Variants in MCPH1 observed in about 807,000 individuals in gnomAD.
MCPH1 encodes microcephalin 1, also known as microcephalin.
A neutral mutation model predicts 84.5 loss-of-function variants in MCPH1; 104 were observed. That is an observed-to-expected ratio of 1.23 (90% CI 1.05 to 1.45). MCPH1 has a LOEUF of 1.45. Ranked by LOEUF, MCPH1 falls within the 40% of genes most tolerant of loss-of-function variation. The pLI, the probability that MCPH1 is intolerant of heterozygous loss-of-function variation, is 0.00. For synonymous variants in MCPH1, 514 were observed against 366.8 expected, an observed-to-expected ratio of 1.40 and a Z score of -4.58; for missense variants, 1,498 against 1,005.7, an observed-to-expected ratio of 1.49 and a Z score of -6.62.
chr8:6,643,326 A>C lies in MCPH1; in HGVS notation c.*277A>C, dbSNP rs554279740. ...GTTTCCCAGGCTGGAGTGCAATGGC[A>C]CAATCTCGGCTCACTGCAACCTCCA... On this transcript the variant is annotated 3_prime_UTR_variant, in exon 14 of 14. Transcript: ENST00000344683. The C allele has an allele frequency of 5.0e-5, 22 of 442,394 alleles. No individual in the cohort carries two copies. Among genetic ancestry groups the C allele is most frequent in the Middle Eastern group, 6.4e-4 (1 of 1,574 alleles). 27.4% of individuals were successfully genotyped at this position (442,394 alleles called of 1,614,324 possible).
chr8:6,554,582 G>A (rs998120655), intron 12 of MCPH1, among the ~76,000 whole-genome samples: 2 of 152,090 alleles, frequency 1.3e-5, no homozygotes, highest in African/African-American at 4.8e-5. Flanking sequence ...TAATTTGGTT[G>A]TTGGTTTTTA....
chr8:6,562,678 A>T lies in MCPH1; in HGVS notation c.2215-58776A>T, dbSNP rs769616632. On this transcript the variant is annotated intron_variant, in intron 12 of 13. Coordinates refer to ENST00000344683, the MANE Select transcript of MCPH1 (RefSeq NM_024596.5). ...TAGCCACTGAGTGTTGTTTTCCATG[A>T]TGTTCTCCAGCACTTGCAGCCTCTG... 1.9e-6 allele frequency: 3 copies of T among 1,590,366 alleles called. No individual in the cohort carries two copies. The South Asian group carries it at 3.3e-5, about 18-fold the overall frequency.
intron 12 of MCPH1, chr8:6,508,639 A>G: frequency 1.7e-6 from 1 of 574,404 alleles, no homozygotes; most frequent in South Asian, 2.4e-5. Context: ...AGTATCCAGC[A>G]AGCACAAACG....
At chr8:6,552,417 T>C (rs998895932) in intron 12 of MCPH1, among the ~76,000 whole-genome samples, 1 of 152,218 alleles carries the variant, frequency 6.6e-6, no homozygotes, top group Non-Finnish European at 1.5e-5. Context: ...ACACTTACGA[T>C]GGTCCTTTTC....
chr8:6,458,703 G>A (rs934645659), intron 9 of MCPH1, among the ~76,000 whole-genome samples: 19 of 152,030 alleles, frequency 1.2e-4, no homozygotes, highest in African/African-American at 4.3e-4. Context: ...AGAGTGTACT[G>A]GTGTTATCTC....
rs569096938 is a variant in MCPH1, at chr8:6,616,594, C to G, written c.2215-4860C>G. The G allele has an allele frequency of 6.6e-5, 10 of 152,380 alleles. No homozygotes were observed. The South Asian group carries it at 2.1e-3, about 32-fold the overall frequency. The allele number at this position is 152,380 out of a possible 1,614,324, so 9.4% of individuals were successfully genotyped here. On this transcript the variant is annotated intron_variant, in intron 12 of 13. Coordinates refer to ENST00000344683, the MANE Select transcript of MCPH1 (RefSeq NM_024596.5). ...GACGGACTTTCCTAGCAGTCCTCAC[C>G]CTCTGCAACCCAGGGCTCCTAGGAG...
Position 6,455,219 on chromosome 8 carries a change from T to G in MCPH1, c.1902T>G (p.His634Gln). ...GCTTTAAGGACCTCATCAAACCTCA[T>G]GAGGAATTGAAGAAAAGTGGGAGAG... ...CDGFKDLIKPHEELKKSGRGK... is the reference protein window; with the variant it reads ...CDGFKDLIKPQEELKKSGRGK... Residue 634 changes from histidine (H) to glutamine (Q), a missense_variant, in exon 9 of 14, where the codon CAT becomes CAG. Physicochemically the swap from His to Gln is conservative, Grantham distance 24 (BLOSUM62 0). Coordinates refer to ENST00000344683, the MANE Select transcript of MCPH1 (RefSeq NM_024596.5). 5 of 1,613,992 alleles carry G rather than the reference T, an allele frequency of 3.1e-6. No homozygotes were observed. Among genetic ancestry groups the G allele is most frequent in the African/African-American group, 1.3e-5 (1 of 75,040 alleles).
At chr8:6,601,788 A>T (rs532865635) in intron 12 of MCPH1, among the ~76,000 whole-genome samples, 1 of 151,594 alleles carries the variant, frequency 6.6e-6, no homozygotes, top group African/African-American at 2.4e-5. Context: ...TACCACATAT[A>T]CCCACACCAC....
intron 12 of MCPH1, among the ~76,000 whole-genome samples, chr8:6,521,589 T>C (rs556116809): frequency 8.5e-5 from 13 of 152,342 alleles, no homozygotes; most frequent in Admixed American, 7.2e-4. Context: ...GATATATAAA[T>C]GTGTGTATAT....
chr8:6,444,494 A>G lies in MCPH1; in HGVS notation c.772A>G (p.Ile258Val). 6.2e-7 allele frequency: 1 copy of G among 1,614,230 alleles called. No homozygotes were observed. Residue 258 changes from isoleucine (I) to valine (V), a missense_variant, in exon 8 of 14, where the codon ATT becomes GTT. Ile to Val is a conservative substitution (Grantham distance 29, BLOSUM62 3). Coordinates refer to ENST00000344683, the MANE Select transcript of MCPH1 (RefSeq NM_024596.5). ...GAAGTTGGAAGGATCCATTAATGAC[A>G]TTAAAAGTGATGTGTGTATTTCTTC... is the stretch of plus-strand genomic sequence containing the variant. ...ERKLEGSIND[I>V]KSDVCISSLV...
intron 12 of MCPH1, among the ~76,000 whole-genome samples, chr8:6,612,112 G>A (rs1455819731): frequency 2.0e-5 from 3 of 152,284 alleles, no homozygotes; most frequent in South Asian, 4.1e-4. Flanking sequence ...GGGTTGGAAA[G>A]GGCTTGTGAT....
chr8:6,542,291 GGTGTGTGTGTGTGTGTGTGTATCTGT>G (rs1411046478), intron 12 of MCPH1, among the ~76,000 whole-genome samples: 2 of 149,944 alleles, frequency 1.3e-5, no homozygotes, highest in Non-Finnish European at 3.0e-5. Flanking sequence ...GTGAGGTAGG[GGTGTGTGTGTGTGTGTGTGTATCTGT>G]GTGTGTGTGT....
chr8:6,503,859 C>T (rs1042591400), intron 12 of MCPH1, among the ~76,000 whole-genome samples: 2 of 152,186 alleles, frequency 1.3e-5, no homozygotes, highest in Admixed American at 6.5e-5. Flanking sequence ...AGTGAAGCCC[C>T]ATCTGCACCT....
chr8:6,445,132 A>T lies in MCPH1; in HGVS notation c.1410A>T (p.Thr470=). The T allele has an allele frequency of 6.2e-7, 1 of 1,614,278 alleles. No homozygotes were observed. The highest frequency in any genetic ancestry group is 1.1e-5 in the South Asian group (1 of 91,090). The change falls in exon 8 of 14, where the codon ACA becomes ACT. Residue 470 remains threonine, a synonymous_variant. Transcript: ENST00000344683. ...DFSCVGKKTR[T]VDITNFTAKT... ...CCTGCGTTGGCAAAAAAACCAGAAC[A>T]GTTGACATTACCAATTTCACAGCAA...
chr8:6,440,791 C>G (rs963104299), intron 6 of MCPH1, among the ~76,000 whole-genome samples: 3 of 152,160 alleles, frequency 2.0e-5, no homozygotes, highest in African/African-American at 7.2e-5. Context: ...AATTTTATGT[C>G]CTTTGTCCAT....
intron 11 of MCPH1, among the ~76,000 whole-genome samples, chr8:6,490,441 C>T (rs1027039171): frequency 3.3e-5 from 5 of 152,056 alleles, no homozygotes; most frequent in African/African-American, 1.2e-4. Flanking sequence ...AAACTCTATC[C>T]CCAAGTTAAA....
At chr8:6,592,563 T>C (rs1274303827) in intron 12 of MCPH1, among the ~76,000 whole-genome samples, 1 of 151,510 alleles carries the variant, frequency 6.6e-6, no homozygotes, top group Non-Finnish European at 1.5e-5. Context: ...GTAACTGCTG[T>C]CCTGAATTTA....
intron 4 of MCPH1, among the ~76,000 whole-genome samples, chr8:6,431,823 C>A (rs552683961): frequency 6.6e-6 from 1 of 152,230 alleles, no homozygotes; most frequent in South Asian, 2.1e-4. Flanking sequence ...CATGGGAAGA[C>A]TAAAAGGTGC....
chr8:6,647,037 T>G lies in MCPH1; in HGVS notation c.*3988T>G, dbSNP rs146281483. The G allele has an allele frequency of 6.7e-6, 1 of 149,636 alleles. No individual in the cohort carries two copies. The highest frequency in any genetic ancestry group is 1.5e-5 in the Non-Finnish European group (1 of 67,298). The allele number at this position is 149,636 out of a possible 1,614,324, so 9.3% of individuals were successfully genotyped here. Reference sequence around the variant, plus strand: ...AGACAAGCCACAGACTATGAAAAAATACTTGCAAATCATATATCTGATAAA... The same window carrying G: ...AGACAAGCCACAGACTATGAAAAAAGACTTGCAAATCATATATCTGATAAA... On this transcript the variant is annotated 3_prime_UTR_variant, in exon 14 of 14. Transcript: ENST00000344683.
Sources: gnomAD v4.1 joint callset for allele counts (sites outside exome capture counted in the v4.1 genomes callset) on GRCh38, gnomAD v4.1.1 for gene constraint, MANE v1.5 for transcripts, NCBI Gene and HGNC (gene_info 2026-07-23, HGNC 2026-07-21) for gene names.